The following SGIP1 variants were observed in gnomAD, a reference collection of about 807,000 sequenced individuals.
SGIP1 encodes the protein SH3-containing GRB2-like protein 3-interacting protein 1.
In SGIP1, 38 loss-of-function variants were observed where a neutral mutation model predicts 107.5. The observed-to-expected ratio is 0.35, with a 90% CI of 0.27 to 0.46. SGIP1 has a LOEUF of 0.46. Among genes scored for constraint, SGIP1 ranks in the 20% least tolerant of loss-of-function variants. SGIP1 has a pLI of 1.00. For synonymous variants in SGIP1, 365 were observed against 366.1 expected, an observed-to-expected ratio of 1.00 and a Z score of 0.03; for missense variants, 929 against 1,019.5, an observed-to-expected ratio of 0.91 and a Z score of 1.21.
intron 1 of SGIP1, among the ~76,000 whole-genome samples, chr1:66,567,836 G>A (rs909870481): frequency 2.0e-5 from 3 of 152,040 alleles, no homozygotes; most frequent in Admixed American, 6.6e-5. Context: ...TTATTTCTGC[G>A]GTCTCTGTTC....
chr1:66,560,030 T>A (rs181023444), intron 1 of SGIP1, among the ~76,000 whole-genome samples: 9 of 152,156 alleles, frequency 5.9e-5, no homozygotes, highest in Admixed American at 5.9e-4. Context: ...ATAGTGTATG[T>A]GTCTACTCAC....
chr1:66,621,255 T>A (rs796854885), intron 1 of SGIP1, among the ~76,000 whole-genome samples: 6 of 152,342 alleles, frequency 3.9e-5, no homozygotes, highest in African/African-American at 1.4e-4. Context: ...ACCGTATTGA[T>A]GTCTTTACTA....
chr1:66,627,521 A>G (rs1336744675), intron 2 of SGIP1, among the ~76,000 whole-genome samples: 1 of 152,178 alleles, frequency 6.6e-6, no homozygotes, highest in Non-Finnish European at 1.5e-5. Context: ...GGCCACCTTG[A>G]AACCATGAAA....
rs148275521 is a variant in SGIP1 at position 66,681,070 on chromosome 1, G to A, written c.815-799G>A. Reference sequence around the variant, plus strand: ...ATAAATATCACAGTTATGCTTATGAGGTTGACAGGTTAGACTTAATGAGAA... The same window carrying A: ...ATAAATATCACAGTTATGCTTATGAAGTTGACAGGTTAGACTTAATGAGAA... On this transcript the variant is annotated intron_variant, in intron 14 of 24. Transcript: ENST00000371037. Among the ~76,000 whole-genome samples, 236 of 152,264 alleles carry A rather than the reference G, an allele frequency of 1.5e-3. 5 individuals carry two copies. Among genetic ancestry groups the A allele is most frequent in the Admixed American group, 0.011 (164 of 15,308 alleles).
In SGIP1 at chr1:66,672,891, G is replaced by A. The variant is rs145233998; in HGVS notation, c.561-390G>A. ...GCATTAACTACAACAAAGAGATGTG[G>A]TGAAATCAAATATAAATTTTACTTG... On this transcript the variant is annotated intron_variant, in intron 11 of 24. Coordinates refer to ENST00000371037, the MANE Select transcript of SGIP1 (RefSeq NM_032291.4). 2.0e-5 allele frequency among the ~76,000 whole-genome samples: 3 copies of A among 152,162 alleles called. No individual in the cohort carries two copies. In the East Asian group the frequency reaches 5.8e-4, roughly 29 times the overall value.
At chr1:66,739,093 A>G (rs1296506363) in intron 21 of SGIP1, among the ~76,000 whole-genome samples, 3 of 151,296 alleles carry the variant, frequency 2.0e-5, no homozygotes, top group Non-Finnish European at 4.4e-5. Flanking sequence ...ATGCTATTCC[A>G]CCTCCTTAAC....
chr1:66,690,884 T>A (rs1318696365), intron 17 of SGIP1, among the ~76,000 whole-genome samples: 1 of 152,212 alleles, frequency 6.6e-6, no homozygotes, highest in Non-Finnish European at 1.5e-5. Context: ...GTTGGTGGCA[T>A]TTTCAGGAAA....
intron 1 of SGIP1, among the ~76,000 whole-genome samples, chr1:66,563,242 C>T (rs1309848995): frequency 1.3e-5 from 2 of 151,908 alleles, no homozygotes; most frequent in Non-Finnish European, 2.9e-5. Flanking sequence ...GTCTCAGGGC[C>T]GGCACGGGAG....
At chr1:66,623,354 A>G (rs975015778) in intron 1 of SGIP1, among the ~76,000 whole-genome samples, 6 of 151,998 alleles carry the variant, frequency 3.9e-5, no homozygotes, top group African/African-American at 1.5e-4. Flanking sequence ...GATTCAAGCA[A>G]TTCTCCCATC....
chr1:66,590,762 G>T (rs2063488430), intron 1 of SGIP1, among the ~76,000 whole-genome samples: 1 of 152,164 alleles, frequency 6.6e-6, no homozygotes, highest in Non-Finnish European at 1.5e-5. Flanking sequence ...ACCACACTTG[G>T]CTGATTTTTC....
chr1:66,650,823 C>G (rs1285228367), intron 7 of SGIP1, among the ~76,000 whole-genome samples: 1 of 152,092 alleles, frequency 6.6e-6, no homozygotes, highest in Non-Finnish European at 1.5e-5. Flanking sequence ...TTCAGAGAGC[C>G]AATAATCCCT....
At chr1:66,558,282 C>T (rs960006703) in intron 1 of SGIP1, among the ~76,000 whole-genome samples, 1 of 151,892 alleles carries the variant, frequency 6.6e-6, no homozygotes, top group Non-Finnish European at 1.5e-5. Flanking sequence ...TAGAGGGGCC[C>T]TACACTTGGT....
At chr1:66,659,541 A>C (rs964039857) in intron 7 of SGIP1, among the ~76,000 whole-genome samples, 3 of 151,992 alleles carry the variant, frequency 2.0e-5, no homozygotes, top group Non-Finnish European at 4.4e-5. Context: ...GTATTTTCCA[A>C]CTCCTCTCAA....
intron 1 of SGIP1, among the ~76,000 whole-genome samples, chr1:66,564,081 C>T (rs1034627318): frequency 1.3e-5 from 2 of 151,932 alleles, no homozygotes; most frequent in Non-Finnish European, 1.5e-5. Flanking sequence ...AAAATTGGAG[C>T]GGCTTAGATT....
At chr1:66,722,568 G>T (rs998037453) in intron 19 of SGIP1, among the ~76,000 whole-genome samples, 7 of 152,190 alleles carry the variant, frequency 4.6e-5, no homozygotes, top group Admixed American at 4.6e-4. Context: ...CTATGTACCT[G>T]CCATTGTGCT....
rs143445629 is a variant in SGIP1, at chr1:66,697,880, A to G, written c.1630+2387A>G. Among the ~76,000 whole-genome samples the G allele has an allele frequency of 3.6e-3, 553 of 152,288 alleles. 5 individuals carry two copies. The highest frequency in any genetic ancestry group is 0.012 in the African/African-American group (511 of 41,560). On this transcript the variant is annotated intron_variant, in intron 18 of 24. Transcript: ENST00000371037. ...CTTTATTAAATAGGATTTCTAACAT[A>G]TTCTTGTAGGGCACTCTGGTTTTAC...
At chr1:66,658,007 T>C (rs1203654763) in intron 7 of SGIP1, among the ~76,000 whole-genome samples, 1 of 152,200 alleles carries the variant, frequency 6.6e-6, no homozygotes, top group African/African-American at 2.4e-5. Flanking sequence ...TAGGTGTTGA[T>C]AGCTGCTGCC....
chr1:66,659,950 A>AAGAAAAAAAAGAAAGAAAGAAAG (rs752459188), intron 7 of SGIP1, among the ~76,000 whole-genome samples: 1 of 43,016 alleles, frequency 2.3e-5, no homozygotes, highest in African/African-American at 1.3e-4. Flanking sequence ...AAAAGAAAGA[A>AAGAAAAAAAAGAAAGAAAGAAAG]AAAGAAAGAA....
chr1:66,667,179 ACC>A (rs61197134), intron 8 of SGIP1, among the ~76,000 whole-genome samples: 1 of 148,726 alleles, frequency 6.7e-6, no homozygotes, highest in East Asian at 2.0e-4. Flanking sequence ...TTCTCTAAGT[ACC>A]CCCCCCCAAA....
Sources: allele counts gnomAD v4.1 joint callset (sites outside exome capture counted in the v4.1 genomes callset), GRCh38; gene constraint gnomAD v4.1.1; transcripts MANE v1.5; gene names NCBI Gene and HGNC (gene_info 2026-07-23, HGNC 2026-07-21).